The following SIPA1L3 variants were observed in gnomAD, a reference collection of about 807,000 sequenced individuals.
SIPA1L3 encodes signal induced proliferation associated 1 like 3.
SIPA1L3 carries 59 observed loss-of-function variants against 150.1 expected under a neutral mutation model. The ratio of observed to expected loss-of-function variants is 0.39; its 90% CI spans 0.32 to 0.49. The LOEUF (loss-of-function observed/expected upper bound fraction) is 0.49. Ranked by LOEUF, SIPA1L3 falls within the 20% of genes least tolerant of loss-of-function variation. The pLI, the probability that SIPA1L3 is intolerant of heterozygous loss-of-function variation, is 0.86. For missense variants in SIPA1L3, 2,211 were observed against 2,489.5 expected, an observed-to-expected ratio of 0.89 and a Z score of 2.38; for synonymous variants, 1,070 against 1,077.6, an observed-to-expected ratio of 0.99 and a Z score of 0.14.
chr19:38,151,821 G>A (rs917615041), intron 12 of SIPA1L3, among the ~76,000 whole-genome samples: 12 of 152,066 alleles, frequency 7.9e-5, no homozygotes, highest in African/African-American at 2.6e-4. Flanking sequence ...AAAATTAGCC[G>A]GGCGTGTAAC....
intron 1 of SIPA1L3, among the ~76,000 whole-genome samples, chr19:38,000,503 C>G (rs911537862): frequency 1.4e-5 from 2 of 147,468 alleles, no homozygotes; most frequent in Non-Finnish European, 3.0e-5. Flanking sequence ...AAAAAAGAAC[C>G]TCGGTTTATA....
chr19:38,172,962 T>G (rs1309532364), intron 15 of SIPA1L3, among the ~76,000 whole-genome samples: 1 of 151,878 alleles, frequency 6.6e-6, no homozygotes, highest in Admixed American at 6.6e-5. Flanking sequence ...ATTAGCTGGG[T>G]GTGGTGGCAC....
chr19:38,137,322 G>A (rs768694402), intron 10 of SIPA1L3, among the ~76,000 whole-genome samples: 1 of 152,080 alleles, frequency 6.6e-6, no homozygotes, highest in African/African-American at 2.4e-5. Flanking sequence ...CCTAGTAGCT[G>A]AGATTATAGG....
At position 38,099,999 on chromosome 19, in the gene SIPA1L3, C is replaced by T. The variant is rs754711986; in HGVS notation, c.1703C>T (p.Thr568Met). The change falls in exon 5 of 22, where the codon ACG becomes ATG. Residue 568 changes from threonine (T) to methionine (M), a missense_variant. Thr to Met is a moderately conservative substitution (Grantham distance 81, BLOSUM62 -1). This residue lies in a region of SIPA1L3 where 625 missense variants were observed against 804.2 expected (regional missense o/e 0.78). Coordinates refer to ENST00000222345, the MANE Select transcript of SIPA1L3 (RefSeq NM_015073.3). ...TLRGSILEDA[T>M]PTATKHGTGR... The stretch of plus-strand genomic sequence containing the variant: ...CGGGGCTCCATCCTGGAAGATGCTA[C>T]GCCCACAGCCACCAAGCATGGGACC... 2.1e-5 allele frequency: 33 copies of T among 1,609,534 alleles called. No individual in the cohort carries two copies. The East Asian group carries it at 2.3e-4, about 11-fold the overall frequency.
At chr19:37,966,595 C>G (rs970999538) in intron 1 of SIPA1L3, among the ~76,000 whole-genome samples, 3 of 152,186 alleles carry the variant, frequency 2.0e-5, no homozygotes, top group African/African-American at 7.2e-5. Context: ...ATGGGAGAGA[C>G]TGGATCCTGT....
chr19:38,099,720 A>G (rs1970458562), intron 4 of SIPA1L3, among the ~76,000 whole-genome samples: 1 of 152,136 alleles, frequency 6.6e-6, no homozygotes, highest in African/African-American at 2.4e-5. Context: ...TTACGATACC[A>G]TCCTGTACCC....
intron 12 of SIPA1L3, among the ~76,000 whole-genome samples, chr19:38,147,820 A>G (rs1346867881): frequency 1.3e-5 from 2 of 152,266 alleles, no homozygotes; most frequent in Admixed American, 6.5e-5. Flanking sequence ...ACAGAGGGAA[A>G]CTACAGCTCA....
chr19:38,019,403 T>C (rs548505764), intron 1 of SIPA1L3, among the ~76,000 whole-genome samples: 1 of 152,282 alleles, frequency 6.6e-6, no homozygotes, highest in East Asian at 1.9e-4. Context: ...CAGGTGGGAA[T>C]AGGGTGAGGG....
At chr19:38,124,805 G>A (rs1335388719) in intron 9 of SIPA1L3, among the ~76,000 whole-genome samples, 5 of 152,210 alleles carry the variant, frequency 3.3e-5, no homozygotes. Context: ...CTGGAGACCA[G>A]CCCGGCCATC....
rs11413793 is a variant in SIPA1L3 at position 38,061,230 on chromosome 19, A to ATT, written c.-310-20017_-310-20016dup. On this transcript the variant is annotated intron_variant, in intron 2 of 21. Transcript: ENST00000222345. The stretch of plus-strand genomic sequence containing the variant: ...CACATGGTTTGGTATCTGCCTCCTG[A>ATT]TTTTTTTTTTCTTTTTAGAGATGGG... Among the ~76,000 whole-genome samples, 67 of 148,536 alleles carry ATT rather than the reference A, an allele frequency of 4.5e-4. 1 individual carries two copies. Among genetic ancestry groups the ATT allele is most frequent in the Admixed American group, 3.4e-3 (51 of 14,850 alleles).
At chr19:38,124,651 G>A (rs1349401175) in intron 9 of SIPA1L3, among the ~76,000 whole-genome samples, 27 of 152,328 alleles carry the variant, frequency 1.8e-4, no homozygotes, top group East Asian at 1.7e-3. Flanking sequence ...CAAGGCAGGC[G>A]GCTGGGAGGT....
chr19:37,943,692 C>T (rs1453021787), intron 1 of SIPA1L3, among the ~76,000 whole-genome samples: 1 of 152,086 alleles, frequency 6.6e-6, no homozygotes, highest in East Asian at 1.9e-4. Context: ...TCACCTTCTC[C>T]AGAACTCCAG....
At chr19:37,962,999 G>A (rs2046873088) in intron 1 of SIPA1L3, among the ~76,000 whole-genome samples, 1 of 152,056 alleles carries the variant, frequency 6.6e-6, no homozygotes, top group Non-Finnish European at 1.5e-5. Flanking sequence ...TTAATTTTAA[G>A]CATAACTTAC....
At chr19:38,114,995 G>A (rs969176324) in intron 8 of SIPA1L3, among the ~76,000 whole-genome samples, 9 of 152,230 alleles carry the variant, frequency 5.9e-5, no homozygotes, top group African/African-American at 1.9e-4. Context: ...GGAACCCAGC[G>A]AGAAGCAGAT....
rs1397728608 is a variant in SIPA1L3 at position 38,106,613 on chromosome 19, C to G, written c.2106C>G (p.Leu702=). ...YEIMFHVSTL[L]PYTPNNRQQL... ...TCATGTTCCATGTCTCCACCCTGCT[C>G]CCTTACACCCCCAACAACAGGCAGC... Residue 702 remains leucine (L), a synonymous_variant, in exon 7 of 22, where the codon CTC becomes CTG. Transcript: ENST00000222345. 1 of 1,613,440 alleles carries G rather than the reference C, an allele frequency of 6.2e-7. No individual in the cohort carries two copies. The highest frequency in any genetic ancestry group is 1.3e-5 in the African/African-American group (1 of 74,920).
At chr19:37,938,026 G>A (rs913827616) in intron 1 of SIPA1L3, among the ~76,000 whole-genome samples, 4 of 152,004 alleles carry the variant, frequency 2.6e-5, no homozygotes, top group Admixed American at 1.3e-4. Flanking sequence ...CAGCCTGGGC[G>A]ACAGAGCAAG....
chr19:37,956,318 A>G (rs549223214), intron 1 of SIPA1L3, among the ~76,000 whole-genome samples: 3 of 152,164 alleles, frequency 2.0e-5, no homozygotes, highest in African/African-American at 7.2e-5. Context: ...TTCTTTGGTG[A>G]AATATGTATT....
intron 1 of SIPA1L3, among the ~76,000 whole-genome samples, chr19:37,928,327 C>G (rs182301749): frequency 3.1e-4 from 47 of 152,152 alleles, no homozygotes; most frequent in Non-Finnish European, 2.2e-4. Flanking sequence ...TCCCAGCACT[C>G]TGGGAGGCCG....
intron 10 of SIPA1L3, among the ~76,000 whole-genome samples, chr19:38,140,157 G>T (rs1359946495): frequency 6.6e-6 from 1 of 152,240 alleles, no homozygotes; most frequent in Non-Finnish European, 1.5e-5. Context: ...GCTCGATGGG[G>T]GTATGGGCAC....
Sources: allele counts gnomAD v4.1 joint callset (sites outside exome capture counted in the v4.1 genomes callset), GRCh38; gene constraint gnomAD v4.1.1; regional missense constraint gnomAD v4.1.1; transcripts MANE v1.5; gene names NCBI Gene and HGNC (gene_info 2026-07-23, HGNC 2026-07-21).